Variants in LUZP2 observed in about 807,000 individuals in gnomAD.
LUZP2 encodes the protein leucine zipper protein 2.
LUZP2 carries 52 observed loss-of-function variants against 51.6 expected under a neutral mutation model. The observed-to-expected ratio is 1.01, with a 90% CI of 0.81 to 1.27. The LOEUF (loss-of-function observed/expected upper bound fraction) is 1.27. Ranked by LOEUF, LUZP2 falls within the 50% of genes most tolerant of loss-of-function variation. The probability of loss-of-function intolerance (pLI) is 0.00; values close to 1 mark genes in which losing one functional copy is unlikely to be tolerated. For missense variants in LUZP2, 436 were observed against 395.4 expected, an observed-to-expected ratio of 1.10 and a Z score of -0.87; for synonymous variants, 154 against 137.3, an observed-to-expected ratio of 1.12 and a Z score of -0.85.
chr11:24,918,805 T>A (rs974789239), intron 7 of LUZP2, among the ~76,000 whole-genome samples: 14 of 146,826 alleles, frequency 9.5e-5, no homozygotes, highest in African/African-American at 3.0e-4. Context: ...ATCTGCCTGG[T>A]CATTGATATA....
chr11:24,748,844 G>A (rs540492574), intron 4 of LUZP2, among the ~76,000 whole-genome samples: 1 of 152,252 alleles, frequency 6.6e-6, no homozygotes, highest in African/African-American at 2.4e-5. Context: ...ACATACGTAA[G>A]GGAATATTTG....
At chr11:24,572,275 GA>G (rs561234669) in intron 1 of LUZP2, among the ~76,000 whole-genome samples, 175 of 151,974 alleles carry the variant, frequency 1.2e-3, no homozygotes, top group African/African-American at 4.1e-3. Context: ...ATTTATTTAA[GA>G]TATAATCTAC....
chr11:24,927,783 G>A (rs1483054651), intron 7 of LUZP2, among the ~76,000 whole-genome samples: 2 of 151,826 alleles, frequency 1.3e-5, no homozygotes, highest in African/African-American at 4.8e-5. Flanking sequence ...GAATGATGGT[G>A]GTATTTTGAT....
chr11:24,676,661 GT>G (rs1387919524), intron 1 of LUZP2, among the ~76,000 whole-genome samples: 10 of 97,714 alleles, frequency 1.0e-4, no homozygotes, highest in African/African-American at 2.2e-4. Flanking sequence ...GTTTTTGTTT[GT>G]TTTTTTTTTG....
intron 10 of LUZP2, among the ~76,000 whole-genome samples, chr11:25,054,240 G>A (rs1858610780): frequency 6.6e-6 from 1 of 152,068 alleles, no homozygotes; most frequent in African/African-American, 2.4e-5. Context: ...TTGTTGTGAA[G>A]GTGGAAGTGG....
At chr11:24,614,711 C>G (rs1412148667) in intron 1 of LUZP2, among the ~76,000 whole-genome samples, 1 of 151,984 alleles carries the variant, frequency 6.6e-6, no homozygotes, top group Non-Finnish European at 1.5e-5. Context: ...ATAGCTCAAT[C>G]TTCTGTGTTT....
At chr11:24,834,747 C>T (rs779009789) in intron 5 of LUZP2, among the ~76,000 whole-genome samples, 5 of 152,160 alleles carry the variant, frequency 3.3e-5, no homozygotes, top group Non-Finnish European at 7.3e-5. Context: ...TACAGCCTTG[C>T]CAGCATCTAT....
chr11:24,789,123 C>T (rs1849334182), intron 5 of LUZP2, among the ~76,000 whole-genome samples: 1 of 152,184 alleles, frequency 6.6e-6, no homozygotes, highest in Non-Finnish European at 1.5e-5. Context: ...CCCATTATTA[C>T]TCTGCTGTGT....
chr11:24,955,658 G>A (rs2133869753), intron 7 of LUZP2, among the ~76,000 whole-genome samples: 1 of 152,048 alleles, frequency 6.6e-6, no homozygotes, highest in Middle Eastern at 3.4e-3. Flanking sequence ...CTTGTTCAGG[G>A]GGATTTGAAC....
chr11:25,018,992 A>G (rs1305820838), intron 9 of LUZP2, among the ~76,000 whole-genome samples: 2 of 152,048 alleles, frequency 1.3e-5, no homozygotes, highest in African/African-American at 2.4e-5. Context: ...GAGTTCCCAA[A>G]ATTTTGCTAC....
chr11:24,837,754 A>G (rs1850903249), intron 5 of LUZP2, among the ~76,000 whole-genome samples: 1 of 151,676 alleles, frequency 6.6e-6, no homozygotes. Flanking sequence ...TAAGGCTAAA[A>G]GACTTAGAGT....
chr11:24,804,054 A>G (rs943382088), intron 5 of LUZP2, among the ~76,000 whole-genome samples: 1 of 152,006 alleles, frequency 6.6e-6, no homozygotes, highest in Non-Finnish European at 1.5e-5. Flanking sequence ...CACTTCTGAA[A>G]CCAAATATAT....
chr11:24,738,114 T>C (rs1357424924), intron 3 of LUZP2, 107 bp from the exon 4 acceptor site: 2 of 673,220 alleles, frequency 3.0e-6, no homozygotes, highest in Non-Finnish European at 2.4e-6. Context: ...CTTCTAGTTG[T>C]CTATGTCCTA....
chr11:24,905,507 A>G (rs1853419236), intron 5 of LUZP2, among the ~76,000 whole-genome samples: 1 of 152,062 alleles, frequency 6.6e-6, no homozygotes, highest in South Asian at 2.1e-4. Context: ...CAGCCAGGAC[A>G]ACGGAGTGAA....
chr11:24,845,920 G>A (rs1330165643), intron 5 of LUZP2, among the ~76,000 whole-genome samples: 1 of 151,668 alleles, frequency 6.6e-6, no homozygotes, highest in Non-Finnish European at 1.5e-5. Flanking sequence ...ATAAAAAGAG[G>A]GAAAATAAAG....
intron 9 of LUZP2, among the ~76,000 whole-genome samples, chr11:24,996,256 T>C (rs1176842052): frequency 2.0e-5 from 3 of 151,696 alleles, no homozygotes; most frequent in African/African-American, 7.2e-5. Flanking sequence ...CATTGTTTTC[T>C]ATTAAATAAA....
intron 1 of LUZP2, among the ~76,000 whole-genome samples, chr11:24,685,232 G>A (rs928372822): frequency 1.3e-5 from 2 of 151,956 alleles, no homozygotes; most frequent in Admixed American, 6.6e-5. Context: ...AGCTGCCATC[G>A]AGAAAACCAA....
chr11:24,780,655 A>G lies in LUZP2; in HGVS notation c.396+17347A>G, dbSNP rs1849065157. Reference sequence around the variant, plus strand: ...ACCAGTATTTACTCTGTGATACCAGACAGGGCCAGACTCCATATTACCAAG... The same window carrying G: ...ACCAGTATTTACTCTGTGATACCAGGCAGGGCCAGACTCCATATTACCAAG... On this transcript the variant is annotated intron_variant, in intron 5 of 11. Transcript: ENST00000336930. Among the ~76,000 whole-genome samples the G allele has an allele frequency of 2.6e-5, 4 of 152,250 alleles. 1 individual carries two copies. The South Asian group carries it at 8.3e-4, about 32-fold the overall frequency.
At chr11:24,884,169 T>A (rs1366981668) in intron 5 of LUZP2, among the ~76,000 whole-genome samples, 4 of 152,078 alleles carry the variant, frequency 2.6e-5, no homozygotes, top group East Asian at 1.9e-4. Context: ...TTATAAACCA[T>A]AAATTACTTT....
Sources: allele counts gnomAD v4.1 joint callset (sites outside exome capture counted in the v4.1 genomes callset), GRCh38; gene constraint gnomAD v4.1.1; transcripts MANE v1.5; gene names NCBI Gene and HGNC (gene_info 2026-07-23, HGNC 2026-07-21).